NBEA: variants seen among roughly 807,000 people sequenced by gnomAD.
The protein encoded by NBEA is lysosomal-trafficking regulator 2.
Under a neutral mutation model 343.4 loss-of-function variants are expected in NBEA, and 44 were observed. That is an observed-to-expected ratio of 0.13 (90% CI 0.10 to 0.16). The LOEUF (loss-of-function observed/expected upper bound fraction) is 0.16, where lower values mean the gene tolerates loss of function less well. Among genes scored for constraint, NBEA ranks in the 10% least tolerant of loss-of-function variants. NBEA has a pLI of 1.00. For synonymous variants in NBEA, 1,175 were observed against 1,238.7 expected (o/e 0.95, Z 1.08); for missense variants, 2,555 against 3,631.3 (o/e 0.70, Z 7.62).
intron 1 of NBEA, among the ~76,000 whole-genome samples, chr13:35,030,376 C>CCTCT (rs565677591): frequency 1.7e-3 from 257 of 150,122 alleles, no homozygotes; most frequent in African/African-American, 6.2e-3. Context: ...ATAAATATCC[C>CCTCT]CTCTCTTTCT....
At chr13:35,566,516 G>A (rs1210797870) in intron 44 of NBEA, among the ~76,000 whole-genome samples, 1 of 152,188 alleles carries the variant, frequency 6.6e-6, no homozygotes, top group Non-Finnish European at 1.5e-5. Context: ...TACATCAGCA[G>A]AAGAGAGATG....
intron 31 of NBEA, among the ~76,000 whole-genome samples, chr13:35,205,072 A>G (rs373455990): frequency 9.2e-5 from 14 of 152,188 alleles, no homozygotes; most frequent in African/African-American, 2.9e-4. Flanking sequence ...GGACTTTCAA[A>G]TTAATTGTAA....
intron 33 of NBEA, among the ~76,000 whole-genome samples, chr13:35,221,150 C>T (rs894942551): frequency 6.6e-6 from 1 of 152,030 alleles, no homozygotes; most frequent in Non-Finnish European, 1.5e-5. Flanking sequence ...TCGAGACCAG[C>T]CTGACCTTCA....
chr13:35,151,679 T>C (rs2068799508), intron 18 of NBEA, among the ~76,000 whole-genome samples: 1 of 152,258 alleles, frequency 6.6e-6, no homozygotes, highest in East Asian at 1.9e-4. Flanking sequence ...AAATTATTTA[T>C]GTCTATAGTT....
intron 17 of NBEA, among the ~76,000 whole-genome samples, chr13:35,133,904 G>A (rs2067570391): frequency 6.6e-6 from 1 of 151,664 alleles, no homozygotes; most frequent in Admixed American, 6.6e-5. Context: ...GTTGGTTGGT[G>A]GTTACATGAA....
chr13:35,253,394 T>C (rs2032210130), intron 34 of NBEA, among the ~76,000 whole-genome samples: 1 of 152,240 alleles, frequency 6.6e-6, no homozygotes, highest in Non-Finnish European at 1.5e-5. Flanking sequence ...TACTTTGTGA[T>C]TGTTAGCCAT....
At chr13:35,016,210 A>AT (rs1206163263) in intron 1 of NBEA, among the ~76,000 whole-genome samples, 1 of 151,940 alleles carries the variant, frequency 6.6e-6, no homozygotes, top group Non-Finnish European at 1.5e-5. Context: ...ATATTCTATA[A>AT]TTTTTTTGCC....
intron 1 of NBEA, among the ~76,000 whole-genome samples, chr13:35,033,294 T>G (rs1379844726): frequency 6.6e-6 from 1 of 151,888 alleles, no homozygotes; most frequent in Non-Finnish European, 1.5e-5. Flanking sequence ...TAGGCACCTT[T>G]GCGAAAAATG....
intron 38 of NBEA, among the ~76,000 whole-genome samples, chr13:35,375,956 C>T (rs180940944): frequency 0.021 from 3,185 of 152,180 alleles, 48 homozygotes; most frequent in Middle Eastern, 0.034. Context: ...ATTTTCTCCT[C>T]AGAAGTATTT....
At chr13:35,356,716 A>G (rs2040509640) in intron 38 of NBEA, among the ~76,000 whole-genome samples, 1 of 152,070 alleles carries the variant, frequency 6.6e-6, no homozygotes, top group African/African-American at 2.4e-5. Flanking sequence ...TTTCACCATT[A>G]CGTCTGACCT....
rs878942232 is a variant in NBEA, at chr13:35,159,259, T to C, written c.3088T>C (p.Ser1030Pro). 4 of 1,613,494 alleles carry C rather than the reference T, an allele frequency of 2.5e-6. No homozygotes were observed. Among genetic ancestry groups the C allele is most frequent in the South Asian group, 1.1e-5 (1 of 91,068 alleles). Residue 1030 changes from serine to proline, a missense_variant, in exon 22 of 59, where the codon TCA becomes CCA. Coordinates refer to ENST00000379939, the MANE Select transcript of NBEA (RefSeq NM_001385012.1). ...CACAGATACTCGAGACTTACTCATG[T>C]CAACAAAAGTGTCAGATGATATTCT... ...VSTDTRDLLM[S>P]TKVSDDILGN...
chr13:35,638,221 T>C (rs1415706031), intron 49 of NBEA, among the ~76,000 whole-genome samples: 5 of 152,214 alleles, frequency 3.3e-5, no homozygotes, highest in Non-Finnish European at 7.3e-5. Context: ...ACTACTGAAC[T>C]GTACTCTTAA....
intron 1 of NBEA, 69 bp from the exon 2 acceptor site, chr13:35,040,861 GTTA>G (rs1286964053): frequency 8.6e-6 from 11 of 1,271,876 alleles, no homozygotes; most frequent in Admixed American, 1.9e-5. Context: ...TTGAATTCTT[GTTA>G]TTATTTCATT....
At chr13:35,142,573 ATT>A (rs2068149434) in intron 18 of NBEA, among the ~76,000 whole-genome samples, 196 bp downstream of exon 18, 1 of 152,076 alleles carries the variant, frequency 6.6e-6, no homozygotes, top group Non-Finnish European at 1.5e-5. Context: ...ATTTTTGCCA[ATT>A]TCTTTATGTC....
chr13:35,179,153 GA>G (rs2071128567), intron 28 of NBEA, among the ~76,000 whole-genome samples: 2 of 151,574 alleles, frequency 1.3e-5, no homozygotes, highest in Non-Finnish European at 3.0e-5. Flanking sequence ...GAATGCTTTG[GA>G]AAGATCTGGG....
Position 35,549,138 on chromosome 13 carries a change from G to A in NBEA, c.6586-1339G>A, listed in dbSNP as rs144269199. Among the ~76,000 whole-genome samples, 719 of 152,166 alleles carry A rather than the reference G, an allele frequency of 4.7e-3. 5 individuals are homozygous for A. The highest frequency in any genetic ancestry group is 0.027 in the South Asian group (132 of 4,822). ...CAAAATGTTTCAGATTTAAATAGAC[G>A]TCTGACTGCCTCCAAAAACCTTTCA... is the stretch of plus-strand genomic sequence containing the variant. On this transcript the variant is annotated intron_variant, in intron 41 of 58. Transcript: ENST00000379939.
At chr13:35,359,147 T>A (rs2040665970) in intron 38 of NBEA, among the ~76,000 whole-genome samples, 1 of 152,176 alleles carries the variant, frequency 6.6e-6, no homozygotes. Context: ...ATGATCTGAT[T>A]TATGTTTTAA....
rs188104907 is a variant in NBEA, at chr13:35,561,328, G to A, written c.6923-5577G>A. On this transcript the variant is annotated intron_variant, in intron 44 of 58. Coordinates refer to ENST00000379939, the MANE Select transcript of NBEA (RefSeq NM_001385012.1). ...TTACTGGACGAGGGATTCTTTAAAC[G>A]TCTTGGATTAAAGAGAAGTGTTACA... Among the ~76,000 whole-genome samples the A allele has an allele frequency of 1.3e-3, 202 of 152,200 alleles. 1 individual carries two copies. Among genetic ancestry groups the A allele is most frequent in the African/African-American group, 4.5e-3 (188 of 41,532 alleles).
intron 41 of NBEA, among the ~76,000 whole-genome samples, chr13:35,510,868 A>G (rs962684476): frequency 2.0e-5 from 3 of 152,228 alleles, no homozygotes; most frequent in Non-Finnish European, 4.4e-5. Flanking sequence ...TAAGAAATAA[A>G]GCTGAGATCT....
Sources: allele counts gnomAD v4.1 joint callset (sites outside exome capture counted in the v4.1 genomes callset), GRCh38; gene constraint gnomAD v4.1.1; transcripts MANE v1.5; gene names NCBI Gene and HGNC (gene_info 2026-07-23, HGNC 2026-07-21).